MSRA: variants seen among roughly 807,000 people sequenced by gnomAD.
The protein encoded by MSRA is methionine sulfoxide reductase A, also known as mitochondrial peptide methionine sulfoxide reductase.
MSRA carries 54 observed loss-of-function variants against 31.3 expected under a neutral mutation model. The ratio of observed to expected loss-of-function variants is 1.73; its 90% confidence interval spans 1.39 to 2.17. The LOEUF (loss-of-function observed/expected upper bound fraction) is 2.17. Ranked by LOEUF, MSRA falls within the 30% of genes most tolerant of loss-of-function variation. The probability of loss-of-function intolerance (pLI) is 0.00; values close to 1 mark genes in which losing one functional copy is unlikely to be tolerated. For synonymous variants in MSRA, 169 were observed against 116.5 expected (o/e 1.45, Z -2.90); for missense variants, 507 against 300.9 (o/e 1.69, Z -5.07).
chr8:10,305,887 G>A (rs567696364), intron 4 of MSRA, among the ~76,000 whole-genome samples: 1 of 152,312 alleles, frequency 6.6e-6, no homozygotes, highest in African/African-American at 2.4e-5. Context: ...AGACATGCTA[G>A]CATCATTACT....
chr8:10,358,982 T>A (rs1284250126), intron 5 of MSRA, among the ~76,000 whole-genome samples: 1 of 152,164 alleles, frequency 6.6e-6, no homozygotes, highest in Admixed American at 6.5e-5. Flanking sequence ...CGCCTGATGA[T>A]CTGAAGTGAA....
chr8:10,311,116 TC>T (rs1418299463), intron 4 of MSRA, among the ~76,000 whole-genome samples: 2 of 152,104 alleles, frequency 1.3e-5, no homozygotes, highest in Admixed American at 6.6e-5. Flanking sequence ...CACAGAAAAA[TC>T]AGAGCTGGTA....
chr8:10,396,891 T>C (rs1340438437), intron 5 of MSRA, among the ~76,000 whole-genome samples: 5 of 152,230 alleles, frequency 3.3e-5, no homozygotes, highest in Non-Finnish European at 7.3e-5. Context: ...ATTATTCAGT[T>C]TGACATCTGT....
At chr8:10,321,211 G>A (rs1034708205) in intron 5 of MSRA, among the ~76,000 whole-genome samples, 5 of 152,054 alleles carry the variant, frequency 3.3e-5, no homozygotes, top group South Asian at 2.1e-4. Flanking sequence ...GATAGTACTT[G>A]TATTTTATTT....
intron 1 of MSRA, among the ~76,000 whole-genome samples, chr8:10,144,131 C>G (rs780148223): frequency 1.5e-4 from 23 of 152,274 alleles, no homozygotes; most frequent in Middle Eastern, 3.4e-3. Context: ...TCGCCACCAT[C>G]TTTAGGAAAG....
chr8:10,365,477 G>C (rs1805108839), intron 5 of MSRA, among the ~76,000 whole-genome samples: 1 of 152,208 alleles, frequency 6.6e-6, no homozygotes, highest in Non-Finnish European at 1.5e-5. Context: ...CAATCAGCCA[G>C]AATTAAAAGC....
chr8:10,075,410 A>G (rs1475645390), intron 1 of MSRA, among the ~76,000 whole-genome samples: 1 of 152,220 alleles, frequency 6.6e-6, no homozygotes, highest in Non-Finnish European at 1.5e-5. Flanking sequence ...CATCTTTAGA[A>G]ATTTTATTAC....
chr8:10,214,629 A>G (rs1003232531), intron 2 of MSRA, among the ~76,000 whole-genome samples: 1 of 152,326 alleles, frequency 6.6e-6, no homozygotes, highest in East Asian at 1.9e-4. Flanking sequence ...GAAAAAGGCC[A>G]GAAAGAATGA....
rs376755280 is a variant in MSRA at position 10,428,436 on chromosome 8, T to C, written c.*124T>C. 5.4e-5 allele frequency: 58 copies of C among 1,079,100 alleles called. 2 individuals are homozygous for C. The highest frequency in any genetic ancestry group is 2.8e-4 in the East Asian group (11 of 38,736). 66.8% of individuals were successfully genotyped at this position (1,079,100 alleles called of 1,614,324 possible). ...CAAAGTACAAAGGAATTTATACAGA[T>C]TGGGTTTACCGAAGTATAATCTATA... On this transcript the variant is annotated 3_prime_UTR_variant, in exon 6 of 6. Transcript: ENST00000317173.
At chr8:10,097,048 C>A (rs1030216542) in intron 1 of MSRA, among the ~76,000 whole-genome samples, 1 of 152,010 alleles carries the variant, frequency 6.6e-6, no homozygotes, top group African/African-American at 2.4e-5. Flanking sequence ...CTTAATCCTT[C>A]GACAATAAAA....
chr8:10,246,539 G>C (rs1203355422), intron 3 of MSRA, among the ~76,000 whole-genome samples: 1 of 152,180 alleles, frequency 6.6e-6, no homozygotes, highest in Non-Finnish European at 1.5e-5. Context: ...CTAAAATAAA[G>C]TCTTAAATAA....
intron 3 of MSRA, among the ~76,000 whole-genome samples, chr8:10,262,615 G>C (rs550737566): frequency 1.3e-5 from 2 of 152,250 alleles, no homozygotes; most frequent in South Asian, 2.1e-4. Context: ...GCCTTTATCA[G>C]ATATGTGACT....
chr8:10,427,828 T>C (rs938548997), intron 5 of MSRA, among the ~76,000 whole-genome samples: 1 of 152,102 alleles, frequency 6.6e-6, no homozygotes, highest in Admixed American at 6.5e-5. Context: ...TTGGGGCCAG[T>C]TTCAAACAGA....
intron 1 of MSRA, among the ~76,000 whole-genome samples, chr8:10,073,541 T>A (rs887499834): frequency 1.4e-5 from 2 of 141,398 alleles, no homozygotes; most frequent in Non-Finnish European, 3.1e-5. Context: ...ACTTTTTCTT[T>A]TGAATTGTCC....
chr8:10,347,964 C>T (rs1338997745), intron 5 of MSRA, among the ~76,000 whole-genome samples: 1 of 152,208 alleles, frequency 6.6e-6, no homozygotes, highest in African/African-American at 2.4e-5. Flanking sequence ...GAACTAAGCT[C>T]ATTGAAACAT....
chr8:10,277,019 T>C (rs1319439374), intron 3 of MSRA, among the ~76,000 whole-genome samples: 2 of 152,220 alleles, frequency 1.3e-5, no homozygotes, highest in Non-Finnish European at 2.9e-5. Context: ...AAGATAATTA[T>C]AAATAATCTG....
At chr8:10,130,063 A>T (rs1412928009) in intron 1 of MSRA, among the ~76,000 whole-genome samples, 1 of 152,174 alleles carries the variant, frequency 6.6e-6, no homozygotes, top group African/African-American at 2.4e-5. Context: ...CATGGGTGGG[A>T]TGTTGAAGGG....
At chr8:10,322,707 G>A (rs557234176) in intron 5 of MSRA, among the ~76,000 whole-genome samples, 9 of 152,286 alleles carry the variant, frequency 5.9e-5, no homozygotes, top group Non-Finnish European at 1.2e-4. Flanking sequence ...CTCATAAACA[G>A]GAACCCTTAT....
intron 1 of MSRA, among the ~76,000 whole-genome samples, chr8:10,056,438 C>G (rs781219300): frequency 1.1e-4 from 16 of 152,054 alleles, no homozygotes; most frequent in Non-Finnish European, 1.8e-4. Context: ...AACCTCAGGA[C>G]CTGGTTCTTT....
Sources: gnomAD v4.1 joint callset for allele counts (sites outside exome capture counted in the v4.1 genomes callset) on GRCh38, gnomAD v4.1.1 for gene constraint, MANE v1.5 for transcripts, NCBI Gene and HGNC (gene_info 2026-07-23, HGNC 2026-07-21) for gene names.